The following CACNA2D3 variants were observed in gnomAD, a reference collection of about 807,000 sequenced individuals.
CACNA2D3 encodes voltage-dependent calcium channel subunit alpha-2/delta-3.
CACNA2D3 carries 60 observed loss-of-function variants against 160.6 expected under a neutral mutation model. That is an observed-to-expected ratio of 0.37 (90% CI 0.30 to 0.46). The LOEUF is 0.46. Ranked by LOEUF, CACNA2D3 falls within the 20% of genes least tolerant of loss-of-function variation. The probability of loss-of-function intolerance (pLI) is 1.00; values close to 1 mark genes in which losing one functional copy is unlikely to be tolerated. For missense variants in CACNA2D3, 1,205 were observed against 1,365.0 expected (o/e 0.88, Z 1.85); for synonymous variants, 558 against 492.9 (o/e 1.13, Z -1.75).
chr3:54,294,262 G>A (rs1703279967), intron 2 of CACNA2D3, among the ~76,000 whole-genome samples: 1 of 152,176 alleles, frequency 6.6e-6, no homozygotes, highest in Non-Finnish European at 1.5e-5. Context: ...ATTTGCACTT[G>A]GTCTTGCCCA....
chr3:54,971,429 C>A (rs1281065437), intron 29 of CACNA2D3, among the ~76,000 whole-genome samples: 1 of 152,132 alleles, frequency 6.6e-6, no homozygotes, highest in Non-Finnish European at 1.5e-5. Flanking sequence ...TTATGAATCC[C>A]AGTTTTACAG....
intron 2 of CACNA2D3, among the ~76,000 whole-genome samples, chr3:54,127,112 C>T (rs1699609836): frequency 6.6e-6 from 1 of 152,154 alleles, no homozygotes; most frequent in African/African-American, 2.4e-5. Flanking sequence ...GTTTTTCATT[C>T]TATTTAGACC....
At chr3:54,643,111 A>G (rs1699559094) in intron 11 of CACNA2D3, among the ~76,000 whole-genome samples, 1 of 90,044 alleles carries the variant, frequency 1.1e-5, no homozygotes. Flanking sequence ...TGCATGTGCC[A>G]GTAGTGTTAT....
intron 2 of CACNA2D3, among the ~76,000 whole-genome samples, chr3:54,168,599 G>A (rs1378218184): frequency 6.6e-6 from 1 of 152,154 alleles, no homozygotes; most frequent in African/African-American, 2.4e-5. Flanking sequence ...CAGAGTGTTT[G>A]CTGAGGTCAG....
intron 13 of CACNA2D3, among the ~76,000 whole-genome samples, chr3:54,813,605 A>C (rs996270080): frequency 5.9e-5 from 9 of 152,058 alleles, no homozygotes; most frequent in Non-Finnish European, 1.3e-4. Context: ...CCTGGCATCA[A>C]CTCTGGGCAT....
At chr3:54,693,050 C>A (rs583190) in intron 11 of CACNA2D3, among the ~76,000 whole-genome samples, 66,895 of 151,256 alleles carry the variant, frequency 0.44, 15,088 homozygotes, top group East Asian at 0.49. Flanking sequence ...ACCACCACCA[C>A]CAACAACAAA....
intron 4 of CACNA2D3, among the ~76,000 whole-genome samples, chr3:54,471,061 T>G (rs1162726762): frequency 6.6e-6 from 1 of 152,192 alleles, no homozygotes; most frequent in Non-Finnish European, 1.5e-5. Flanking sequence ...CAAGCAGACC[T>G]AATAGACATC....
rs1174129020 is a variant in CACNA2D3 at position 54,840,403 on chromosome 3, CTTTTTTTTTTTT to C, written c.1551+1769_1551+1780del. On this transcript the variant is annotated intron_variant, in intron 16 of 37. Coordinates refer to ENST00000474759, the MANE Select transcript of CACNA2D3 (RefSeq NM_018398.3). ...CATCTTGCAAGCAGGAGAACCATGT[CTTTTTTTTTTTT>C]TTTTTTTTTTTTTGAGATGGACTCT... is the stretch of plus-strand genomic sequence containing the variant. Among the ~76,000 whole-genome samples the C allele has an allele frequency of 2.3e-4, 17 of 73,454 alleles. No homozygotes were observed. The South Asian group carries it at 9.8e-3, about 42-fold the overall frequency. 48.2% of individuals were successfully genotyped at this position (73,454 alleles called of 152,430 possible). A position where few individuals can be genotyped will look rare whatever the true frequency, so the allele number is the denominator to read the frequency against.
intron 34 of CACNA2D3, among the ~76,000 whole-genome samples, chr3:55,015,509 A>G (rs541664474): frequency 2.0e-4 from 31 of 152,292 alleles, no homozygotes; most frequent in African/African-American, 6.0e-4. Context: ...TTTATATTCC[A>G]TCTGCATGCT....
At chr3:54,540,834 C>A (rs1701960932) in intron 5 of CACNA2D3, among the ~76,000 whole-genome samples, 1 of 152,134 alleles carries the variant, frequency 6.6e-6, no homozygotes, top group African/African-American at 2.4e-5. Context: ...TCCCCACAAT[C>A]TATGAATTCT....
chr3:54,390,600 T>C (rs1285670840), intron 4 of CACNA2D3, among the ~76,000 whole-genome samples: 4 of 152,228 alleles, frequency 2.6e-5, no homozygotes, highest in Non-Finnish European at 5.9e-5. Flanking sequence ...CCTCTATGGG[T>C]CAAAGTAAAC....
intron 2 of CACNA2D3, among the ~76,000 whole-genome samples, chr3:54,155,377 T>C (rs1038385251): frequency 6.6e-6 from 1 of 152,122 alleles, no homozygotes; most frequent in African/African-American, 2.4e-5. Context: ...ATCATACAGC[T>C]TGTCTGGTGG....
intron 4 of CACNA2D3, among the ~76,000 whole-genome samples, chr3:54,451,229 C>CTTATTTTT (rs1700301803): frequency 1.9e-5 from 1 of 51,754 alleles, no homozygotes; most frequent in African/African-American, 8.6e-5. Context: ...ATATAATAAT[C>CTTATTTTT]TTTTTTTTTT....
intron 14 of CACNA2D3, among the ~76,000 whole-genome samples, chr3:54,825,356 G>A (rs993154897): frequency 2.6e-5 from 4 of 152,208 alleles, no homozygotes; most frequent in African/African-American, 9.6e-5. Flanking sequence ...AGTATCACCA[G>A]TATTTAGCCT....
intron 2 of CACNA2D3, among the ~76,000 whole-genome samples, chr3:54,158,440 C>T (rs1700281883): frequency 6.6e-6 from 1 of 152,104 alleles, no homozygotes; most frequent in Admixed American, 6.5e-5. Flanking sequence ...ATGAGGTGGG[C>T]TTCCTGTGTC....
At chr3:54,831,146 C>T (rs1489542430) in intron 14 of CACNA2D3, among the ~76,000 whole-genome samples, 1 of 152,162 alleles carries the variant, frequency 6.6e-6, no homozygotes, top group Non-Finnish European at 1.5e-5. Context: ...GACTTGGAGC[C>T]AGTCCTGTAT....
rs371906965 is a variant in CACNA2D3, at chr3:55,021,691, A to G, written c.2987+3374A>G. ...TATATATATATGTGTATATATATAT[A>G]TGTGTGTATATATATATGTGTGTGT... On this transcript the variant is annotated intron_variant, in intron 35 of 37. Transcript: ENST00000474759. Among the ~76,000 whole-genome samples, 608 of 131,466 alleles carry G rather than the reference A, an allele frequency of 4.6e-3. 3 individuals are homozygous for G. The highest frequency in any genetic ancestry group is 6.4e-3 in the Non-Finnish European group (403 of 62,686). 86.2% of individuals were successfully genotyped at this position (131,466 alleles called of 152,430 possible).
At chr3:54,328,529 A>C (rs1704170088) in intron 3 of CACNA2D3, among the ~76,000 whole-genome samples, 1 of 151,750 alleles carries the variant, frequency 6.6e-6, no homozygotes, top group African/African-American at 2.4e-5. Flanking sequence ...TGATCTGCCC[A>C]CCTCGGCCTC....
chr3:54,785,197 T>A (rs909143435), intron 13 of CACNA2D3, among the ~76,000 whole-genome samples: 12 of 152,262 alleles, frequency 7.9e-5, no homozygotes, highest in Non-Finnish European at 1.2e-4. Context: ...GAAAGATATG[T>A]TTCTGCCAAA....
Sources: gnomAD v4.1 joint callset for allele counts (sites outside exome capture counted in the v4.1 genomes callset) on GRCh38, gnomAD v4.1.1 for gene constraint, MANE v1.5 for transcripts, NCBI Gene and HGNC (gene_info 2026-07-23, HGNC 2026-07-21) for gene names.